The following PCDHGA10 variants were observed in gnomAD, a reference collection of about 807,000 sequenced individuals.
PCDHGA10 encodes the protein protocadherin gamma subfamily A, 10.
A neutral mutation model predicts 59.5 loss-of-function variants in PCDHGA10; 42 were observed. That is an observed-to-expected ratio of 0.71 (90% confidence interval 0.55 to 0.91). The LOEUF is 0.91. PCDHGA10 is among the 40% of genes least tolerant of loss of function. The pLI, the probability that PCDHGA10 is intolerant of heterozygous loss-of-function variation, is 0.00. For missense variants in PCDHGA10, 1,111 were observed against 1,198.2 expected, an observed-to-expected ratio of 0.93 and a Z score of 1.07; for synonymous variants, 511 against 517.2, an observed-to-expected ratio of 0.99 and a Z score of 0.16.
At chr5:141,492,548 C>A (rs1028674110) in intron 1 of PCDHGA10, among the ~76,000 whole-genome samples, 1 of 152,218 alleles carries the variant, frequency 6.6e-6, no homozygotes, top group Non-Finnish European at 1.5e-5. Flanking sequence ...TGGGCCGGGT[C>A]GCCTGGGGGG....
In PCDHGA10 at chr5:141,418,429, A is replaced by G. The variant is rs765952024; in HGVS notation, c.2436+2818A>G. ...AGAAAGACAATCCTGATGGTGGCAAATATCCAGAATTAGTATTGCAGAAGA... is the reference window on the plus strand; with the variant it reads ...AGAAAGACAATCCTGATGGTGGCAAGTATCCAGAATTAGTATTGCAGAAGA... On this transcript the variant is annotated intron_variant, in intron 1 of 3. Transcript: ENST00000398610. 8.7e-6 allele frequency: 14 copies of G among 1,613,972 alleles called. No homozygotes were observed. In the South Asian group the frequency reaches 1.5e-4, roughly 18 times the overall value.
rs138616951 is a variant in PCDHGA10, at chr5:141,490,312, C to T, written c.2437-4495C>T. On this transcript the variant is annotated intron_variant, in intron 1 of 3. Transcript: ENST00000398610. The surrounding 1 kb of genome is among the most constrained non-coding windows in gnomAD (Gnocchi z 5.4). ...GGTGCTATTGGCCTCTTTGGCCAAC[C>T]CTGTCCTAGAGAGCACACCAGTGGG... 67 of 1,614,050 alleles carry T rather than the reference C, an allele frequency of 4.2e-5. No individual in the cohort carries two copies. The highest frequency in any genetic ancestry group is 5.3e-5 in the Non-Finnish European group (63 of 1,180,008).
At chr5:141,423,034 G>A (rs769232324) in intron 1 of PCDHGA10, 1 of 1,614,200 alleles carries the variant, frequency 6.2e-7, no homozygotes, top group Non-Finnish European at 8.5e-7. Context: ...AGGCCAGAAC[G>A]CCTGGCTGTC....
At chr5:141,499,061 G>A (rs1300036203) in intron 2 of PCDHGA10, among the ~76,000 whole-genome samples, 1 of 151,914 alleles carries the variant, frequency 6.6e-6, no homozygotes, top group African/African-American at 2.4e-5. Flanking sequence ...AAATGAAGAA[G>A]ACTTACATTC....
intron 1 of PCDHGA10, chr5:141,424,504 GT>G (rs892941709): frequency 6.6e-6 from 1 of 152,016 alleles, no homozygotes; most frequent in Non-Finnish European, 1.5e-5. Context: ...TGTATGGAAG[GT>G]TTTTTAATGT....
rs2099400874 is a variant in PCDHGA10 at position 141,476,888 on chromosome 5, C to T, written c.2437-17919C>T. On this transcript the variant is annotated intron_variant, in intron 1 of 3. Transcript: ENST00000398610. This position sits in a 1 kb window ranked among gnomAD's most constrained non-coding sequence, Gnocchi z 7.6. ...CCGGGCGCGCGTCCTGGAGGATGCA[C>T]CCTCCGGCACGCGCGTGGTACAAGT... is the stretch of plus-strand genomic sequence containing the variant. 1.2e-6 allele frequency: 2 copies of T among 1,613,964 alleles called. No homozygotes were observed. The highest frequency in any genetic ancestry group is 1.7e-6 in the Non-Finnish European group (2 of 1,180,030).
intron 1 of PCDHGA10, among the ~76,000 whole-genome samples, chr5:141,466,868 CA>C (rs1343260699): frequency 1.3e-5 from 2 of 152,100 alleles, no homozygotes; most frequent in African/African-American, 2.4e-5. Flanking sequence ...GAAATCCACA[CA>C]TTTTTTTCAT....
intron 2 of PCDHGA10, among the ~76,000 whole-genome samples, chr5:141,495,902 C>T (rs749735668): frequency 2.6e-5 from 4 of 152,120 alleles, no homozygotes; most frequent in Non-Finnish European, 2.9e-5. Context: ...TTGTCTCTGT[C>T]TCTGTATATC....
intron 1 of PCDHGA10, among the ~76,000 whole-genome samples, chr5:141,474,227 G>A (rs1394834744): frequency 6.6e-6 from 1 of 152,190 alleles, no homozygotes; most frequent in Non-Finnish European, 1.5e-5. Flanking sequence ...TGTGAATTAA[G>A]TGATGCTGAA....
chr5:141,462,552 T>G (rs966816379), intron 1 of PCDHGA10, among the ~76,000 whole-genome samples: 4 of 152,194 alleles, frequency 2.6e-5, no homozygotes, highest in African/African-American at 9.6e-5. Context: ...TCTTCTTCAG[T>G]GTTTACTGTA....
At position 141,489,314 on chromosome 5, in the gene PCDHGA10, G is replaced by C. The variant is rs374235290; in HGVS notation, c.2437-5493G>C. The stretch of plus-strand genomic sequence containing the variant: ...TGCATGTTGTCCTTGTGCTGCTGGG[G>C]CTGGGTGTCTGGGCAGCTTCGTTAC... On this transcript the variant is annotated intron_variant, in intron 1 of 3. Coordinates refer to ENST00000398610, the MANE Select transcript of PCDHGA10 (RefSeq NM_018913.3). This position sits in a 1 kb window ranked among gnomAD's most constrained non-coding sequence, Gnocchi z 4.5. 2 of 1,596,790 alleles carry C rather than the reference G, an allele frequency of 1.3e-6. No homozygotes were observed. The highest frequency in any genetic ancestry group is 2.2e-5 in the East Asian group (1 of 44,724).
Position 141,431,344 on chromosome 5 carries a change from G to T in PCDHGA10, c.2436+15733G>T. On this transcript the variant is annotated intron_variant, in intron 1 of 3. Coordinates refer to ENST00000398610, the MANE Select transcript of PCDHGA10 (RefSeq NM_018913.3). This position sits in a 1 kb window ranked among gnomAD's most constrained non-coding sequence, Gnocchi z 4.8. ...ACGGTAGTAAGTACCCCGAATTGGT[G>T]CTGAAACGCGCCCTGGACCGCGAAG... 1 of 1,614,078 alleles carries T rather than the reference G, an allele frequency of 6.2e-7. No individual in the cohort carries two copies. The highest frequency in any genetic ancestry group is 1.3e-5 in the African/African-American group (1 of 75,068).
In PCDHGA10 at chr5:141,493,307, AAG is replaced by A. The variant is rs2099747490; in HGVS notation, c.2437-1494_2437-1493del. Among the ~76,000 whole-genome samples, 1 of 152,234 alleles carries A rather than the reference AAG, an allele frequency of 6.6e-6. No homozygotes were observed. Among genetic ancestry groups the A allele is most frequent in the South Asian group, 2.1e-4 (1 of 4,832 alleles). ...ACTTGCTCAAGTTCACAGAGCAAGT[AAG>A]AGAGATTCTAACCCCTGTCTAACTC... On this transcript the variant is annotated intron_variant, in intron 1 of 3. Transcript: ENST00000398610. This position sits in a 1 kb window ranked among gnomAD's most constrained non-coding sequence, Gnocchi z 4.3.
chr5:141,446,088 T>C (rs2098487177), intron 1 of PCDHGA10, among the ~76,000 whole-genome samples: 1 of 152,100 alleles, frequency 6.6e-6, no homozygotes, highest in African/African-American at 2.4e-5. Flanking sequence ...TAGAAATAAA[T>C]GGATGAATTA....
intron 1 of PCDHGA10, among the ~76,000 whole-genome samples, chr5:141,460,753 A>ATATACATATTGCATATGTATG (rs1435827019): frequency 4.6e-5 from 7 of 152,094 alleles, no homozygotes; most frequent in Non-Finnish European, 1.0e-4. Flanking sequence ...ATATGTGTAC[A>ATATACATATTGCATATGTATG]TATACATATT....
chr5:141,418,748 A>G, intron 1 of PCDHGA10: 7 of 1,613,954 alleles, frequency 4.3e-6, no homozygotes, highest in East Asian at 2.2e-5. Context: ...TCTGGATTAC[A>G]CTACAGGAAA....
chr5:141,501,300 C>T (rs867143352), intron 2 of PCDHGA10, among the ~76,000 whole-genome samples: 2,626 of 150,646 alleles, frequency 0.017, 74 homozygotes, highest in African/African-American at 0.06. Context: ...TACACACACA[C>T]ACACACACAC....
chr5:141,463,466 T>G (rs1400160593), intron 1 of PCDHGA10, among the ~76,000 whole-genome samples: 2 of 142,982 alleles, frequency 1.4e-5, no homozygotes, highest in African/African-American at 5.2e-5. Context: ...TTTTTTTTTT[T>G]GAGATGGAGT....
intron 1 of PCDHGA10, chr5:141,468,497 C>T (rs1033597673): frequency 2.0e-5 from 3 of 152,074 alleles, no homozygotes; most frequent in Non-Finnish European, 4.4e-5. Context: ...GGAAGATTTT[C>T]ATGTGGACAA....
Sources: gnomAD v4.1 joint callset for allele counts (sites outside exome capture counted in the v4.1 genomes callset) on GRCh38, gnomAD v4.1.1 for gene constraint, Gnocchi (gnomAD v3.1) non-coding constraint, MANE v1.5 for transcripts, NCBI Gene and HGNC (gene_info 2026-07-23, HGNC 2026-07-21) for gene names.